Variants in DOCK1 observed in about 807,000 individuals in gnomAD.
DOCK1 encodes the protein dedicator of cytokinesis 1, also known as dedicator of cytokinesis protein 1.
A neutral mutation model predicts 262.7 loss-of-function variants in DOCK1; 138 were observed. That is an observed-to-expected ratio of 0.53 (90% CI 0.46 to 0.61). The LOEUF (loss-of-function observed/expected upper bound fraction) is 0.61, where lower values mean the gene tolerates loss of function less well. DOCK1 is among the 20% of genes least tolerant of loss of function. DOCK1 has a pLI of 0.00. For synonymous variants in DOCK1, 866 were observed against 867.4 expected (o/e 1.00, Z 0.03); for missense variants, 1,908 against 2,370.7 (o/e 0.80, Z 4.05).
At chr10:127,354,850 A>C in intron 32 of DOCK1, 123 bp downstream of exon 32, 1 of 1,153,494 alleles carries the variant, frequency 8.7e-7, no homozygotes, top group Admixed American at 2.2e-5. Context: ...CTTGGACAGC[A>C]GTTGCTACTC....
chr10:127,027,187 C>T (rs2042925105), intron 16 of DOCK1, among the ~76,000 whole-genome samples: 1 of 152,220 alleles, frequency 6.6e-6, no homozygotes, highest in Admixed American at 6.5e-5. Flanking sequence ...GGCAGACCGC[C>T]CTTTGTCACT....
chr10:127,385,283 C>T (rs1003089726), intron 38 of DOCK1, among the ~76,000 whole-genome samples: 2 of 152,126 alleles, frequency 1.3e-5, no homozygotes, highest in African/African-American at 2.4e-5. Context: ...GATATTGCTC[C>T]ATCCTGGTGG....
chr10:127,145,339 C>A (rs1271086123), intron 27 of DOCK1, among the ~76,000 whole-genome samples: 2 of 152,214 alleles, frequency 1.3e-5, no homozygotes, highest in African/African-American at 4.8e-5. Flanking sequence ...CGCCACATGT[C>A]TATGAAGCAT....
intron 23 of DOCK1, among the ~76,000 whole-genome samples, chr10:127,085,690 G>A (rs976487850): frequency 3.9e-5 from 6 of 151,980 alleles, no homozygotes; most frequent in African/African-American, 7.3e-5. Context: ...CCCAGGAGGC[G>A]GAGGTTGCAG....
chr10:127,250,307 C>T (rs1026912940), intron 28 of DOCK1, among the ~76,000 whole-genome samples: 10 of 152,122 alleles, frequency 6.6e-5, no homozygotes, highest in East Asian at 1.9e-4. Context: ...AAGTGAAAAG[C>T]GATGATGCCG....
intron 33 of DOCK1, among the ~76,000 whole-genome samples, chr10:127,366,823 G>C (rs2064944166): frequency 2.0e-5 from 3 of 152,194 alleles, no homozygotes; most frequent in Admixed American, 1.3e-4. Flanking sequence ...CACCTTATTA[G>C]TCACGTCAGC....
At chr10:127,364,074 T>A (rs980434269) in intron 33 of DOCK1, among the ~76,000 whole-genome samples, 2 of 152,202 alleles carry the variant, frequency 1.3e-5, no homozygotes, top group Admixed American at 1.3e-4. Flanking sequence ...GAACCTCCCT[T>A]GGTCTGGGTG....
intron 27 of DOCK1, among the ~76,000 whole-genome samples, chr10:127,246,697 C>T (rs1245550339): frequency 6.6e-6 from 1 of 152,052 alleles, no homozygotes; most frequent in African/African-American, 2.4e-5. Context: ...TTCGAGGACT[C>T]ATTTGGAAGT....
intron 43 of DOCK1, among the ~76,000 whole-genome samples, chr10:127,413,618 C>T (rs780700095): frequency 1.1e-4 from 16 of 152,102 alleles, no homozygotes; most frequent in African/African-American, 2.2e-4. Context: ...ACAGGGCCTG[C>T]GTGAGGAGGA....
At chr10:127,440,113 G>GC (rs1369228503) in intron 49 of DOCK1, among the ~76,000 whole-genome samples, 1 of 144,538 alleles carries the variant, frequency 6.9e-6, no homozygotes, top group Non-Finnish European at 1.5e-5. Flanking sequence ...TTGGCTGAAG[G>GC]CAGGGGAGGG....
chr10:126,987,387 C>A (rs937605067), intron 4 of DOCK1, 134 bp from the exon 5 acceptor site: 2 of 633,132 alleles, frequency 3.2e-6, no homozygotes, highest in East Asian at 2.8e-5. Context: ...TGTGTGCATG[C>A]AGTCTTATTT....
chr10:127,305,860 C>T (rs2061853882), intron 29 of DOCK1, among the ~76,000 whole-genome samples: 1 of 152,170 alleles, frequency 6.6e-6, no homozygotes. Context: ...ATGTCATAGA[C>T]CAGCGACCCC....
intron 10 of DOCK1, among the ~76,000 whole-genome samples, chr10:127,008,285 A>T (rs770040090): frequency 1.5e-4 from 23 of 151,938 alleles, no homozygotes; most frequent in Non-Finnish European, 3.2e-4. Context: ...TCTTGTAGAG[A>T]TGGGGTTTTG....
intron 3 of DOCK1, among the ~76,000 whole-genome samples, chr10:126,979,342 A>G (rs1371438790): frequency 6.6e-6 from 1 of 152,138 alleles, no homozygotes; most frequent in Non-Finnish European, 1.5e-5. Context: ...GCTGGTCATA[A>G]TGAGTGAGAT....
chr10:127,379,974 C>A, intron 35 of DOCK1, 108 bp from the exon 36 acceptor site: 1 of 750,618 alleles, frequency 1.3e-6, no homozygotes, highest in Non-Finnish European at 2.3e-6. Context: ...GAGCTGGGTC[C>A]ATTTGGCTGT....
intron 35 of DOCK1, among the ~76,000 whole-genome samples, chr10:127,375,901 TA>T (rs2065459535): frequency 6.6e-6 from 1 of 152,208 alleles, no homozygotes; most frequent in Non-Finnish European, 1.5e-5. Context: ...CTTAGATCTG[TA>T]GATAAACTTC....
intron 23 of DOCK1, among the ~76,000 whole-genome samples, chr10:127,077,795 T>G (rs2135982811): frequency 6.6e-6 from 1 of 152,032 alleles, no homozygotes; most frequent in Non-Finnish European, 1.5e-5. Flanking sequence ...CTAAAGAAAG[T>G]GGCAAGTGCA....
chr10:127,253,120 G>T (rs2059709733), intron 28 of DOCK1, among the ~76,000 whole-genome samples: 1 of 152,158 alleles, frequency 6.6e-6, no homozygotes, highest in Non-Finnish European at 1.5e-5. Context: ...GAACCACAAA[G>T]AATCTGTAGA....
intron 29 of DOCK1, among the ~76,000 whole-genome samples, chr10:127,323,384 T>C (rs1187970016): frequency 1.3e-5 from 2 of 152,174 alleles, no homozygotes; most frequent in African/African-American, 4.8e-5. Flanking sequence ...CCTGTGTATA[T>C]TTTTGGTGGC....
Sources: gnomAD v4.1 joint callset for allele counts (sites outside exome capture counted in the v4.1 genomes callset) on GRCh38, gnomAD v4.1.1 for gene constraint, MANE v1.5 for transcripts, NCBI Gene and HGNC (gene_info 2026-07-23, HGNC 2026-07-21) for gene names.